RNF123: variants seen among roughly 807,000 people sequenced by gnomAD.
RNF123 encodes the protein E3 ubiquitin-protein ligase RNF123.
RNF123 carries 86 observed loss-of-function variants against 168.5 expected under a neutral mutation model. The observed-to-expected ratio is 0.51, with a 90% CI of 0.43 to 0.61. The LOEUF is 0.61. RNF123 is among the 20% of genes least tolerant of loss of function. The probability of loss-of-function intolerance (pLI) is 0.00; values close to 1 mark genes in which losing one functional copy is unlikely to be tolerated. For synonymous variants in RNF123, 666 were observed against 689.1 expected (o/e 0.97, Z 0.52); for missense variants, 1,419 against 1,729.7 (o/e 0.82, Z 3.19).
In RNF123 at chr3:49,716,192, G is replaced by A. The variant is rs975510563; in HGVS notation, c.3415+15G>A. ...ACGGCTGCCTGGTGAGGACCTAGAT[G>A]CCCTGCACCCCAACACACTACAGGC... On this transcript the variant is annotated intron_variant, in intron 34 of 38. Coordinates refer to ENST00000327697, the MANE Select transcript of RNF123 (RefSeq NM_022064.5). 1.9e-6 allele frequency: 3 copies of A among 1,612,958 alleles called. No individual in the cohort carries two copies. The highest frequency in any genetic ancestry group is 1.3e-5 in the African/African-American group (1 of 75,020).
intron 26 of RNF123, among the ~76,000 whole-genome samples, chr3:49,709,879 G>A (rs1033378256): frequency 6.0e-5 from 9 of 149,548 alleles, no homozygotes; most frequent in African/African-American, 2.2e-4. Context: ...GGCCAATTCT[G>A]TTGTTTAATT....
chr3:49,696,678 C>A (rs1437370393), intron 3 of RNF123, among the ~76,000 whole-genome samples: 3 of 129,520 alleles, frequency 2.3e-5, no homozygotes, highest in Non-Finnish European at 4.7e-5. Context: ...GAGTCTTACT[C>A]TTGTTGCCCG....
chr3:49,700,055 A>C lies in RNF123; in HGVS notation c.985-172A>C. ...CCAAGCCTTAGAGGAGCCGTGGGGC[A>C]ATGGCCTTCTTGTCCCTCAGTCAGA... On this transcript the variant is annotated intron_variant, in intron 12 of 38. Coordinates refer to ENST00000327697, the MANE Select transcript of RNF123 (RefSeq NM_022064.5). The C allele has an allele frequency of 4.5e-6, 4 of 884,560 alleles. No individual in the cohort carries two copies. In the South Asian group the frequency reaches 7.0e-5, roughly 15 times the overall value. The allele number at this position is 884,560 out of a possible 1,614,324, so 54.8% of individuals were successfully genotyped here. A position where few individuals can be genotyped will look rare whatever the true frequency, so the allele number is the denominator to read the frequency against.
In RNF123 at chr3:49,714,105, T is replaced by A. The variant is rs1575538125; in HGVS notation, c.2941T>A (p.Tyr981Asn). ...VRLWRGCGFGYRYTRLPHLLK... is the reference protein window; with the variant it reads ...VRLWRGCGFGNRYTRLPHLLK... Reference sequence around the variant, plus strand: ...ACCTCCACAGGGCTGTGGCTTCGGGTACCGCTATACACGGCTGCCACATCT... The same window carrying A: ...ACCTCCACAGGGCTGTGGCTTCGGGAACCGCTATACACGGCTGCCACATCT... Residue 981 changes from tyrosine to asparagine, a missense_variant, in exon 31 of 39, where the codon TAC (tyrosine) becomes AAC (asparagine). By Grantham distance (143) the Tyr-to-Asn change is moderately radical. Coordinates refer to ENST00000327697, the MANE Select transcript of RNF123 (RefSeq NM_022064.5). 1 of 1,613,890 alleles carries A rather than the reference T, an allele frequency of 6.2e-7. No individual in the cohort carries two copies. Among genetic ancestry groups the A allele is most frequent in the Non-Finnish European group, 8.5e-7 (1 of 1,180,020 alleles).
In RNF123 at chr3:49,697,168, C is replaced by G; in HGVS notation, c.193C>G (p.Pro65Ala). 1 of 1,614,080 alleles carries G rather than the reference C, an allele frequency of 6.2e-7. No individual in the cohort carries two copies. Among genetic ancestry groups the G allele is most frequent in the Non-Finnish European group, 8.5e-7 (1 of 1,179,986 alleles). The change falls in exon 4 of 39, where the codon CCA (proline) becomes GCA (alanine). Residue 65 changes from proline (P) to alanine (A), a missense_variant. Physicochemically the swap from Pro to Ala is conservative, Grantham distance 27. Transcript: ENST00000327697. Reference protein sequence around the residue: ...SRKPLNFQNLPEHLDQLLQVD... With the variant: ...SRKPLNFQNLAEHLDQLLQVD... ...GAAACCCCTGAACTTCCAGAACCTG[C>G]CAGAACATTTGGACCAGTTGCTACA...
In RNF123 at chr3:49,693,020, C is replaced by T. The variant is rs571573916; in HGVS notation, c.167+1511C>T. ...GTGGGGTTGCTGGATCATATGGTAG[C>T]TCAATTTTTAGTTTAGTTTTTTTTT... On this transcript the variant is annotated intron_variant, in intron 3 of 38. Transcript: ENST00000327697. Among the ~76,000 whole-genome samples, 507 of 151,742 alleles carry T rather than the reference C, an allele frequency of 3.3e-3. 2 individuals are homozygous for T. The highest frequency in any genetic ancestry group is 3.1e-3 in the Non-Finnish European group (210 of 67,914).
In RNF123 at chr3:49,702,158, A is replaced by C; in HGVS notation, c.1557+14A>C. 6.2e-7 allele frequency: 1 copy of C among 1,613,842 alleles called. No homozygotes were observed. Among genetic ancestry groups the C allele is most frequent in the Non-Finnish European group, 8.5e-7 (1 of 1,179,720 alleles). Reference sequence around the variant, plus strand: ...GATGACAATGGGGTGAGTGACTCCCAGGAGCCCTGGGTGGGGCCCTGTGGG... The same window carrying C: ...GATGACAATGGGGTGAGTGACTCCCCGGAGCCCTGGGTGGGGCCCTGTGGG... On this transcript the variant is annotated intron_variant, in intron 18 of 38. Transcript: ENST00000327697.
chr3:49,712,815 G>T (rs906599816), intron 27 of RNF123, 159 bp downstream of exon 27: 8 of 816,478 alleles, frequency 9.8e-6, no homozygotes, highest in Non-Finnish European at 1.6e-5. Context: ...GCAAACAAAC[G>T]TCTGCACCCT....
At position 49,698,909 on chromosome 3, in the gene RNF123, C is replaced by A. The variant is rs1575523112; in HGVS notation, c.639-71C>A. The A allele has an allele frequency of 3.1e-6, 5 of 1,607,112 alleles. No individual in the cohort carries two copies. In the East Asian group the frequency reaches 1.1e-4, roughly 36 times the overall value. ...TTCCTGGGCCCTGTAAGGGGCCAGA[C>A]TGAGTTTGATAGCCTGAGGGTGGGC... On this transcript the variant is annotated intron_variant, in intron 9 of 38. Transcript: ENST00000327697.
At chr3:49,697,323 A>C (rs780973515) in intron 4 of RNF123, 40 bp from the exon 5 acceptor site, 1 of 1,601,322 alleles carries the variant, frequency 6.2e-7, no homozygotes, top group Non-Finnish European at 8.6e-7. Flanking sequence ...CATCCTGTCA[A>C]ATGCTCCACC....
intron 3 of RNF123, among the ~76,000 whole-genome samples, chr3:49,693,821 C>G (rs1257084543): frequency 6.6e-6 from 1 of 152,112 alleles, no homozygotes; most frequent in African/African-American, 2.4e-5. Flanking sequence ...GATGATATCT[C>G]GTAGTTTTGA....
chr3:49,695,227 C>G (rs1317981043), intron 3 of RNF123, among the ~76,000 whole-genome samples: 1 of 152,144 alleles, frequency 6.6e-6, no homozygotes, highest in Non-Finnish European at 1.5e-5. Flanking sequence ...CTCAGCCTCC[C>G]ACATAGCTGG....
At chr3:49,718,598 C>T (rs373689365) in intron 35 of RNF123, 32 of 1,613,024 alleles carry the variant, frequency 2.0e-5, no homozygotes, top group African/African-American at 9.3e-5. Flanking sequence ...CCCACCAGCG[C>T]GTACAGGTGC....
chr3:49,716,080 T>C, intron 33 of RNF123, 22 bp from the exon 34 acceptor site: 1 of 1,613,740 alleles, frequency 6.2e-7, no homozygotes, highest in African/African-American at 1.3e-5. Flanking sequence ...CATCCACCAA[T>C]GGACTCCTGC....
chr3:49,698,779 A>G lies in RNF123; in HGVS notation c.595A>G (p.Ser199Gly). The change falls in exon 9 of 39, where the codon AGC (serine) becomes GGC (glycine). Residue 199 changes from serine (S) to glycine (G), a missense_variant. By Grantham distance (56) the Ser-to-Gly change is moderately conservative (BLOSUM62 0). This residue lies in a region of RNF123 where 318 missense variants were observed against 446.6 expected (regional missense o/e 0.71). Coordinates refer to ENST00000327697, the MANE Select transcript of RNF123 (RefSeq NM_022064.5). ...GGCGTGGGCAGCGGGGGACATCGTG[A>G]GCTGCCTGATTGACCTGGATGATGG... ...GKAWAAGDIV[S>G]CLIDLDDGTL... 1 of 1,613,926 alleles carries G rather than the reference A, an allele frequency of 6.2e-7. No homozygotes were observed. The highest frequency in any genetic ancestry group is 8.5e-7 in the Non-Finnish European group (1 of 1,179,992).
At chr3:49,716,772 G>A (rs755111323) in intron 35 of RNF123, 12 of 387,492 alleles carry the variant, frequency 3.1e-5, no homozygotes, top group African/African-American at 1.6e-4. Flanking sequence ...AGGGTGTGCC[G>A]TCCTGTGGTG....
At chr3:49,711,457 A>C (rs1317582159) in intron 26 of RNF123, among the ~76,000 whole-genome samples, 1 of 152,038 alleles carries the variant, frequency 6.6e-6, no homozygotes. Flanking sequence ...TCTCCTTTGC[A>C]TTGATACCTT....
In RNF123 at chr3:49,714,174, A is replaced by G; in HGVS notation, c.3010A>G (p.Lys1004Glu). The G allele has an allele frequency of 6.2e-7, 1 of 1,614,026 alleles. No homozygotes were observed. The highest frequency in any genetic ancestry group is 2.2e-5 in the East Asian group (1 of 44,886). ...GGACGCCAATTTGCCCAGCCTCCAGAGTGAGTATCTGGGTTGGGCGAGTCC... is the reference window on the plus strand; with the variant it reads ...GGACGCCAATTTGCCCAGCCTCCAGGGTGAGTATCTGGGTTGGGCGAGTCC... ...LEDANLPSLQ[K>E]PCPSTLLQQH... Residue 1004 changes from lysine to glutamate, a missense_variant and splice_region_variant, in exon 31 of 39, where the codon AAG becomes GAG. Lys to Glu is a moderately conservative substitution (Grantham distance 56, BLOSUM62 1). This residue lies in a region of RNF123 where 538 missense variants were observed against 708.8 expected (regional missense o/e 0.76). Transcript: ENST00000327697.
chr3:49,706,168 C>T, intron 25 of RNF123, 103 bp downstream of exon 25: 1 of 1,039,208 alleles, frequency 9.6e-7, no homozygotes, highest in Non-Finnish European at 1.5e-6. Context: ...CTCATCCCCA[C>T]TCTAGCCCTG....
Sources: allele counts gnomAD v4.1 joint callset (sites outside exome capture counted in the v4.1 genomes callset), GRCh38; gene constraint gnomAD v4.1.1; regional missense constraint gnomAD v4.1.1; transcripts MANE v1.5; gene names NCBI Gene and HGNC (gene_info 2026-07-23, HGNC 2026-07-21).